The following SGK3 variants were observed in gnomAD, a reference collection of about 807,000 sequenced individuals.
SGK3 encodes serine/threonine-protein kinase Sgk3.
A neutral mutation model predicts 68.5 loss-of-function variants in SGK3; 47 were observed. The observed-to-expected ratio is 0.69, with a 90% CI of 0.54 to 0.87. The LOEUF is 0.87. Ranked by LOEUF, SGK3 falls within the 40% of genes least tolerant of loss-of-function variation. The pLI is 0.00. For missense variants in SGK3, 479 were observed against 575.5 expected (o/e 0.83, Z 1.72); for synonymous variants, 181 against 189.1 (o/e 0.96, Z 0.35).
chr8:66,858,606 C>T (rs1052735470), intron 16 of SGK3, among the ~76,000 whole-genome samples: 7 of 151,914 alleles, frequency 4.6e-5, no homozygotes, highest in South Asian at 2.1e-4. Context: ...AACAATGAAT[C>T]TCTGTTTGTG....
In SGK3 at chr8:66,723,155, A is replaced by G. The variant is rs1343875770; in HGVS notation, c.-122+10322A>G. Among the ~76,000 whole-genome samples the G allele has an allele frequency of 1.4e-4, 5 of 36,318 alleles. No individual in the cohort carries two copies. The South Asian group carries it at 2.8e-3, about 20-fold the overall frequency. The allele number at this position is 36,318 out of a possible 152,430, so 23.8% of individuals were successfully genotyped here. A position where few individuals can be genotyped will look rare whatever the true frequency, so the allele number is the denominator to read the frequency against. On this transcript the variant is annotated intron_variant, in intron 1 of 16. Transcript: ENST00000521198. ...TATTTTTTTTTTTTTTTTTTTTTGT[A>G]AAAGGGTCGGCTGGGCACAGCGACT...
chr8:66,751,925 C>T (rs971317164), intron 1 of SGK3, among the ~76,000 whole-genome samples: 1 of 152,004 alleles, frequency 6.6e-6, no homozygotes, highest in Non-Finnish European at 1.5e-5. Flanking sequence ...GCCACCACAG[C>T]CGGCTAATTT....
At chr8:66,848,603 G>T (rs1280042521) in intron 15 of SGK3, among the ~76,000 whole-genome samples, 1 of 152,166 alleles carries the variant, frequency 6.6e-6, no homozygotes, top group Non-Finnish European at 1.5e-5. Context: ...TAGTGGAAAA[G>T]GTCTGTTTCC....
chr8:66,818,548 C>G (rs1263750244), intron 5 of SGK3, among the ~76,000 whole-genome samples: 3 of 152,324 alleles, frequency 2.0e-5, no homozygotes, highest in Non-Finnish European at 2.9e-5. Flanking sequence ...CCCCTGAGAT[C>G]TCTTACACAT....
chr8:66,805,147 A>G, intron 4 of SGK3, among the ~76,000 whole-genome samples: 1 of 152,278 alleles, frequency 6.6e-6, no homozygotes, highest in Middle Eastern at 3.4e-3. Flanking sequence ...TATCATGAAG[A>G]ATATTCACTT....
At chr8:66,742,050 A>G (rs1805496460) in intron 1 of SGK3, among the ~76,000 whole-genome samples, 1 of 152,234 alleles carries the variant, frequency 6.6e-6, no homozygotes, top group Non-Finnish European at 1.5e-5. Flanking sequence ...TACAAGTCAA[A>G]GGAACATCAA....
rs71249408 is a variant in SGK3, at chr8:66,796,321, ATTTTTTTTTTT to A, written c.97-2200_97-2190del. Among the ~76,000 whole-genome samples, 34 of 41,360 alleles carry A rather than the reference ATTTTTTTTTTT, an allele frequency of 8.2e-4. 1 individual carries two copies. Among genetic ancestry groups the A allele is most frequent in the East Asian group, 5.6e-3 (5 of 892 alleles). The allele number at this position is 41,360 out of a possible 152,430, so 27.1% of individuals were successfully genotyped here. On this transcript the variant is annotated intron_variant, in intron 2 of 16. Coordinates refer to ENST00000521198, the MANE Select transcript of SGK3 (RefSeq NM_001033578.3). ...CCAGCTAATTTTTTGTATTTTTTGT[ATTTTTTTTTTT>A]TTTTTTTTTTTTTTTTTTTTAGAAG...
chr8:66,857,402 C>T (rs1810557284), intron 16 of SGK3, among the ~76,000 whole-genome samples: 1 of 152,076 alleles, frequency 6.6e-6, no homozygotes, highest in Non-Finnish European at 1.5e-5. Flanking sequence ...TAAGGGTTCC[C>T]TTCCCTGTAG....
chr8:66,834,901 C>T (rs1411721920), intron 8 of SGK3, among the ~76,000 whole-genome samples: 5 of 148,516 alleles, frequency 3.4e-5, no homozygotes, highest in Non-Finnish European at 5.9e-5. Flanking sequence ...GATCGCGCCA[C>T]TGCACTCCAG....
intron 1 of SGK3, among the ~76,000 whole-genome samples, chr8:66,750,978 G>A (rs1443781238): frequency 6.6e-6 from 1 of 151,324 alleles, no homozygotes; most frequent in East Asian, 1.9e-4. Context: ...CTGCACTCCA[G>A]CCTGGGTGAT....
At chr8:66,833,921 C>T (rs917064515) in intron 8 of SGK3, among the ~76,000 whole-genome samples, 8 of 152,046 alleles carry the variant, frequency 5.3e-5, no homozygotes, top group Non-Finnish European at 8.8e-5. Flanking sequence ...GAACTCCCGA[C>T]GTCAGATGAT....
Position 66,763,173 on chromosome 8 carries a change from T to TA in SGK3, c.-121-30442dup, listed in dbSNP as rs1806221569. Reference sequence around the variant, plus strand: ...GTGCAGTTTATATTGGAAGGCAGGATATAGGCTTGATTCTTATCTTTTATT... The same window carrying TA: ...GTGCAGTTTATATTGGAAGGCAGGATAATAGGCTTGATTCTTATCTTTTATT... On this transcript the variant is annotated intron_variant, in intron 1 of 16. Coordinates refer to ENST00000521198, the MANE Select transcript of SGK3 (RefSeq NM_001033578.3). 2.0e-5 allele frequency among the ~76,000 whole-genome samples: 3 copies of TA among 152,242 alleles called. No homozygotes were observed. The South Asian group carries it at 6.2e-4, about 31-fold the overall frequency.
At chr8:66,817,400 C>T (rs1808636120) in intron 5 of SGK3, among the ~76,000 whole-genome samples, 1 of 151,554 alleles carries the variant, frequency 6.6e-6, no homozygotes, top group Non-Finnish European at 1.5e-5. Flanking sequence ...CACTGCACTC[C>T]AGCCTGGCGA....
At chr8:66,804,350 A>G in intron 3 of SGK3, 25 bp from the exon 4 acceptor site, 1 of 1,583,086 alleles carries the variant, frequency 6.3e-7, no homozygotes. Flanking sequence ...ATTAGTTCAT[A>G]TAATGTTATT....
intron 1 of SGK3, among the ~76,000 whole-genome samples, chr8:66,724,112 A>G (rs1179961022): frequency 1.3e-5 from 2 of 152,186 alleles, no homozygotes; most frequent in Non-Finnish European, 2.9e-5. Flanking sequence ...TATTAGGACT[A>G]CAGGCTCATG....
rs544648272 is a variant in SGK3, at chr8:66,740,119, C to T, written c.-122+27286C>T. Among the ~76,000 whole-genome samples, 14 of 152,246 alleles carry T rather than the reference C, an allele frequency of 9.2e-5. 1 individual carries two copies. The highest frequency in any genetic ancestry group is 2.9e-4 in the African/African-American group (12 of 41,546). On this transcript the variant is annotated intron_variant, in intron 1 of 16. Transcript: ENST00000521198. ...AGAAACAATAGCACACATTTTTGTA[C>T]CAGAATTATCTCTTCCAGATTTCAT...
intron 3 of SGK3, among the ~76,000 whole-genome samples, chr8:66,800,626 TC>T (rs1365711557): frequency 1.3e-5 from 2 of 152,138 alleles, no homozygotes; most frequent in African/African-American, 4.8e-5. Context: ...CTGTACCACT[TC>T]CTGTGTTTTG....
intron 4 of SGK3, among the ~76,000 whole-genome samples, chr8:66,812,428 G>A (rs1808414708): frequency 1.3e-5 from 2 of 151,946 alleles, no homozygotes; most frequent in South Asian, 2.1e-4. Context: ...GTGGTGGTGC[G>A]TGCCTGTAAT....
At chr8:66,767,298 GTTATT>G in intron 1 of SGK3, 1 of 741,364 alleles carries the variant, frequency 1.3e-6, no homozygotes, top group Non-Finnish European at 2.2e-6. Context: ...CCTTTTAATG[GTTATT>G]TTATTTTAGG....
Sources: allele counts gnomAD v4.1 joint callset (sites outside exome capture counted in the v4.1 genomes callset), GRCh38; gene constraint gnomAD v4.1.1; transcripts MANE v1.5; gene names NCBI Gene and HGNC (gene_info 2026-07-23, HGNC 2026-07-21).